The following SPINK5 variants were observed in gnomAD, a reference collection of about 807,000 sequenced individuals.
SPINK5 encodes the protein serine protease inhibitor Kazal-type 5.
A neutral mutation model predicts 151.8 loss-of-function variants in SPINK5; 125 were observed. The ratio of observed to expected loss-of-function variants is 0.82; its 90% CI spans 0.71 to 0.96. SPINK5 has a LOEUF of 0.96. Among genes scored for constraint, SPINK5 ranks in the 40% least tolerant of loss-of-function variants. SPINK5 has a pLI of 0.00. For synonymous variants in SPINK5, 374 were observed against 395.3 expected (o/e 0.95, Z 0.64); for missense variants, 1,194 against 1,291.9 (o/e 0.92, Z 1.16).
intron 23 of SPINK5, 54 bp from the exon 24 acceptor site, chr5:148,118,932 A>G (rs1754175073): frequency 7.6e-6 from 12 of 1,573,200 alleles, no homozygotes; most frequent in African/African-American, 1.4e-5. Context: ...CTTAGTGCAT[A>G]ATCCAGGGTC....
Position 148,089,490 on chromosome 5 carries a change from T to C in SPINK5, c.475-4T>C. On this transcript the variant is annotated splice_region_variant and splice_polypyrimidine_tract_variant and intron_variant, in intron 6 of 32. Coordinates refer to ENST00000256084, the MANE Select transcript of SPINK5 (RefSeq NM_006846.4). ...AGTTTCAAGTTCTTTTCCCTGTTCTTCAGGATGTATGCAGTGCTTTTCGGC... is the reference window on the plus strand; with the variant it reads ...AGTTTCAAGTTCTTTTCCCTGTTCTCCAGGATGTATGCAGTGCTTTTCGGC... 6.2e-7 allele frequency: 1 copy of C among 1,611,672 alleles called. No individual in the cohort carries two copies. The highest frequency in any genetic ancestry group is 8.5e-7 in the Non-Finnish European group (1 of 1,178,418).
intron 4 of SPINK5, among the ~76,000 whole-genome samples, chr5:148,077,636 G>GTTATATAT (rs1581056845): frequency 1.5e-5 from 1 of 66,336 alleles, no homozygotes. Flanking sequence ...TGTTTTATCA[G>GTTATATAT]GTATATATAT....
At chr5:148,098,934 C>T (rs867807793) in intron 11 of SPINK5, among the ~76,000 whole-genome samples, 1 of 152,058 alleles carries the variant, frequency 6.6e-6, no homozygotes, top group Non-Finnish European at 1.5e-5. Context: ...TTTGGTGCCT[C>T]TGTTATGAAC....
In SPINK5 at chr5:148,114,268, C is replaced by A. The variant is rs531536632; in HGVS notation, c.1888-94C>A. ...AAAAAATTCTCAGGTCATTTTCTCT[C>A]TCTTTTTTTTTTTTCTATAAAGCAC... On this transcript the variant is annotated intron_variant, in intron 20 of 32. Transcript: ENST00000256084. 3.3e-3 allele frequency: 4,290 copies of A among 1,296,488 alleles called. 41 individuals are homozygous for A. The highest frequency in any genetic ancestry group is 0.01 in the Middle Eastern group (37 of 3,546). 80.3% of individuals were successfully genotyped at this position (1,296,488 alleles called of 1,614,324 possible). A position where few individuals can be genotyped will look rare whatever the true frequency, so the allele number is the denominator to read the frequency against.
intron 2 of SPINK5, 29 bp from the exon 3 acceptor site, chr5:148,070,294 C>A: frequency 6.2e-7 from 1 of 1,610,546 alleles, no homozygotes; most frequent in Non-Finnish European, 8.5e-7. Context: ...GTACTTTTAG[C>A]TAACACAACT....
intron 4 of SPINK5, among the ~76,000 whole-genome samples, chr5:148,073,284 C>A (rs1450357804): frequency 6.6e-6 from 1 of 151,948 alleles, no homozygotes; most frequent in East Asian, 1.9e-4. Context: ...CTGACATCTT[C>A]CTTGGCAGTG....
At chr5:148,095,016 T>C (rs1307314150) in intron 9 of SPINK5, among the ~76,000 whole-genome samples, 1 of 151,956 alleles carries the variant, frequency 6.6e-6, no homozygotes, top group African/African-American at 2.4e-5. Flanking sequence ...TCGGCTTCTC[T>C]AGCTCTACAA....
chr5:148,126,603 A>C (rs1581109431), intron 29 of SPINK5, among the ~76,000 whole-genome samples: 1 of 150,572 alleles, frequency 6.6e-6, no homozygotes, highest in Non-Finnish European at 1.5e-5. Flanking sequence ...TTATTTATTT[A>C]TTTATTGAGA....
Position 148,100,561 on chromosome 5 carries a change from C to A in SPINK5, c.1200C>A (p.Cys400Ter). The change falls in exon 13 of 33, where the codon TGC becomes TGA. Residue 400 changes from cysteine to a stop codon, truncating the protein, a stop_gained. Transcript: ENST00000256084. LOFTEE classifies it high-confidence loss of function. Reference sequence around the variant, plus strand: ...ATGGGAAAGTGCATGGCAACACCTGCTCCATGTGTGAGGTCTTCTTGTGAG... The same window carrying A: ...ATGGGAAAGTGCATGGCAACACCTGATCCATGTGTGAGGTCTTCTTGTGAG... ...GPDGKVHGNTCSMCEVFFQAE... is the reference protein window; with the variant it reads ...GPDGKVHGNT The A allele has an allele frequency of 6.2e-7, 1 of 1,613,128 alleles. No homozygotes were observed. Among genetic ancestry groups the A allele is most frequent in the Non-Finnish European group, 8.5e-7 (1 of 1,179,340 alleles).
chr5:148,079,019 C>G (rs1377380159), intron 4 of SPINK5, among the ~76,000 whole-genome samples: 1 of 150,442 alleles, frequency 6.6e-6, no homozygotes, highest in African/African-American at 2.4e-5. Context: ...CCTGACAAAC[C>G]CTTAGTTTTA....
At chr5:148,132,266 C>T (rs1754590676) in intron 31 of SPINK5, among the ~76,000 whole-genome samples, 1 of 152,114 alleles carries the variant, frequency 6.6e-6, no homozygotes, top group Non-Finnish European at 1.5e-5. Flanking sequence ...CCTTGGTTTT[C>T]CCATCTCACC....
chr5:148,073,149 T>A (rs560252177), intron 4 of SPINK5, among the ~76,000 whole-genome samples: 2 of 152,066 alleles, frequency 1.3e-5, no homozygotes, highest in South Asian at 4.1e-4. Context: ...ACCCCAGGTC[T>A]CCTATGCAGT....
At chr5:148,069,548 C>A (rs1752681972) in intron 2 of SPINK5, among the ~76,000 whole-genome samples, 1 of 151,984 alleles carries the variant, frequency 6.6e-6, no homozygotes, top group African/African-American at 2.4e-5. Context: ...TCCATAGATT[C>A]ACAAGGTTTG....
chr5:148,076,632 A>G (rs1581055865), intron 4 of SPINK5, among the ~76,000 whole-genome samples: 1 of 151,754 alleles, frequency 6.6e-6, no homozygotes, highest in Non-Finnish European at 1.5e-5. Context: ...TACAGATGTT[A>G]GATGTGGCAG....
chr5:148,119,599 T>C (rs1754196416), intron 24 of SPINK5, among the ~76,000 whole-genome samples: 1 of 152,224 alleles, frequency 6.6e-6, no homozygotes, highest in South Asian at 2.1e-4. Context: ...CTACCTGTAT[T>C]CCTTGGCTTG....
At chr5:148,115,048 T>C (rs1754049547) in intron 21 of SPINK5, among the ~76,000 whole-genome samples, 4 of 152,214 alleles carry the variant, frequency 2.6e-5, no homozygotes, top group African/African-American at 7.2e-5. Flanking sequence ...TCCACTGATA[T>C]TAGTCACAGA....
Position 148,125,817 on chromosome 5 carries a change from A to G in SPINK5, c.2834A>G (p.Tyr945Cys), listed in dbSNP as rs1315895890. Residue 945 changes from tyrosine (Y) to cysteine (C), a missense_variant, in exon 29 of 33, where the codon TAT (tyrosine) becomes TGT (cysteine). Tyr to Cys is a radical substitution (Grantham distance 194). Coordinates refer to ENST00000256084, the MANE Select transcript of SPINK5 (RefSeq NM_006846.4). ...GTGCACGGTGCTGATGGAAAGTTCTATACAAACAAGTGCTACATGTGCAGA... is the reference window on the plus strand; with the variant it reads ...GTGCACGGTGCTGATGGAAAGTTCTGTACAAACAAGTGCTACATGTGCAGA... ...DPVHGADGKFYTNKCYMCRAV... is the reference protein window; with the variant it reads ...DPVHGADGKFCTNKCYMCRAV... The G allele has an allele frequency of 4.3e-6, 7 of 1,614,112 alleles. No homozygotes were observed. In the African/African-American group the frequency reaches 5.3e-5, roughly 12 times the overall value.
At chr5:148,067,172 G>T (rs1403698610) in intron 2 of SPINK5, among the ~76,000 whole-genome samples, 2 of 152,148 alleles carry the variant, frequency 1.3e-5, no homozygotes, top group Admixed American at 1.3e-4. Flanking sequence ...AAAGCAAGCT[G>T]GTCAGTGCTC....
rs2113139738 is a variant in SPINK5, at chr5:148,106,760, T to A, written c.1480-277T>A. On this transcript the variant is annotated intron_variant, in intron 16 of 32. Transcript: ENST00000256084. ...AAGGCTTCTCATCTAAGCCTGCCTA[T>A]GGAATCTTCCCACCTCTGATCTTTC... Among the ~76,000 whole-genome samples, 4 of 152,312 alleles carry A rather than the reference T, an allele frequency of 2.6e-5. No individual in the cohort carries two copies. In the East Asian group the frequency reaches 7.7e-4, roughly 29 times the overall value.
Sources: allele counts gnomAD v4.1 joint callset (sites outside exome capture counted in the v4.1 genomes callset), GRCh38; gene constraint gnomAD v4.1.1; transcripts MANE v1.5; gene names NCBI Gene and HGNC (gene_info 2026-07-23, HGNC 2026-07-21).